COL5A1: variants seen among roughly 807,000 people sequenced by gnomAD.
COL5A1 encodes the protein collagen type V alpha 1 chain.
In COL5A1, 16 loss-of-function variants were observed where a neutral mutation model predicts 263.7. The ratio of observed to expected loss-of-function variants is 0.06; its 90% CI spans 0.04 to 0.09. The LOEUF is 0.09. COL5A1 is among the 10% of genes least tolerant of loss of function. The pLI is 1.00. For synonymous variants in COL5A1, 1,012 were observed against 1,004.5 expected (o/e 1.01, Z -0.14); for missense variants, 2,036 against 2,540.5 (o/e 0.80, Z 4.27).
rs1835291687 is a variant in COL5A1 at position 134,741,221 on chromosome 9, G to T, written c.1494+2413G>T. Among the ~76,000 whole-genome samples the T allele has an allele frequency of 6.6e-6, 1 of 152,246 alleles. No homozygotes were observed. Among genetic ancestry groups the T allele is most frequent in the Admixed American group, 6.5e-5 (1 of 15,292 alleles). ...GCCTGTGCGGCGGAGAAACAACATT[G>T]TCTCTGCCCTCGGAGGTTGAGCATC... On this transcript the variant is annotated intron_variant, in intron 11 of 65. Coordinates refer to ENST00000371817, the MANE Select transcript of COL5A1 (RefSeq NM_000093.5). The surrounding 1 kb of genome is among the most constrained non-coding windows in gnomAD (Gnocchi z 4.5).
intron 28 of COL5A1, 87 bp from the exon 29 acceptor site, chr9:134,782,580 G>A (rs1837300450): frequency 7.9e-7 from 1 of 1,260,078 alleles, no homozygotes; most frequent in Non-Finnish European, 1.2e-6. Flanking sequence ...ACCTGGTGCT[G>A]AGTGTGGTTG....
At chr9:134,673,916 A>T (rs191768070) in intron 1 of COL5A1, among the ~76,000 whole-genome samples, 4 of 152,242 alleles carry the variant, frequency 2.6e-5, no homozygotes, top group Admixed American at 1.3e-4. Context: ...ATTCAGACAA[A>T]TGTTCCAGAA....
intron 1 of COL5A1, among the ~76,000 whole-genome samples, chr9:134,650,230 G>A (rs1831629087): frequency 6.6e-6 from 1 of 152,156 alleles, no homozygotes. Context: ...AGTGACTTAA[G>A]TTGAAAAACT....
In COL5A1 at chr9:134,841,192, A is replaced by T. The variant is rs1840011685; in HGVS notation, c.5371-965A>T. On this transcript the variant is annotated intron_variant, in intron 65 of 65. Coordinates refer to ENST00000371817, the MANE Select transcript of COL5A1 (RefSeq NM_000093.5). This position sits in a 1 kb window ranked among gnomAD's most constrained non-coding sequence, Gnocchi z 4.8. Reference sequence around the variant, plus strand: ...CAGATCCAGCTGCGACTGTAAATCCAGTCTGGGTCTGAGGTAGCAAAAGCC... The same window carrying T: ...CAGATCCAGCTGCGACTGTAAATCCTGTCTGGGTCTGAGGTAGCAAAAGCC... Among the ~76,000 whole-genome samples, 1 of 152,214 alleles carries T rather than the reference A, an allele frequency of 6.6e-6. No homozygotes were observed. Among genetic ancestry groups the T allele is most frequent in the African/African-American group, 2.4e-5 (1 of 41,470 alleles).
chr9:134,781,537 C>T (rs186340888), intron 28 of COL5A1, among the ~76,000 whole-genome samples: 15 of 152,336 alleles, frequency 9.8e-5, no homozygotes, highest in Admixed American at 8.5e-4. Context: ...CCAGCTTTGC[C>T]GCTTGATCTT....
Position 134,641,909 on chromosome 9 carries a change from TGGAGGAGGA to T in COL5A1, c.-267_-259del, listed in dbSNP as rs886063671. On this transcript the variant is annotated 5_prime_UTR_variant, in exon 1 of 66. Transcript: ENST00000371817. ...CGGCGAGGAGGAGGCGAGAAGGAGTTGGAGGAGGAGGAGGAGGAGGCGAGGGCGAGCTAG... is the reference window on the plus strand; with the variant it reads ...CGGCGAGGAGGAGGCGAGAAGGAGTTGGAGGAGGAGGCGAGGGCGAGCTAG... 8.1e-6 allele frequency: 3 copies of T among 369,646 alleles called. No homozygotes were observed. Among genetic ancestry groups the T allele is most frequent in the African/African-American group, 2.1e-5 (1 of 46,810 alleles). The allele number at this position is 369,646 out of a possible 1,614,324, so 22.9% of individuals were successfully genotyped here.
Position 134,794,153 on chromosome 9 carries a change from C to T in COL5A1, c.2701-929C>T, listed in dbSNP as rs1588557317. 6.6e-6 allele frequency among the ~76,000 whole-genome samples: 1 copy of T among 152,066 alleles called. No individual in the cohort carries two copies. The highest frequency in any genetic ancestry group is 6.6e-5 in the Admixed American group (1 of 15,254). On this transcript the variant is annotated intron_variant, in intron 32 of 65. Coordinates refer to ENST00000371817, the MANE Select transcript of COL5A1 (RefSeq NM_000093.5). This position sits in a 1 kb window ranked among gnomAD's most constrained non-coding sequence, Gnocchi z 4.3. Reference sequence around the variant, plus strand: ...CCATCCTTGCCAACATGGTGAAACCCTGTCTCTACTAAAATTAGCTGGGCG... The same window carrying T: ...CCATCCTTGCCAACATGGTGAAACCTTGTCTCTACTAAAATTAGCTGGGCG...
At chr9:134,702,051 C>T (rs1426872643) in intron 4 of COL5A1, among the ~76,000 whole-genome samples, 1 of 152,152 alleles carries the variant, frequency 6.6e-6, no homozygotes, top group Non-Finnish European at 1.5e-5. Context: ...TCACCAGGAG[C>T]CTGTAGGGGT....
At chr9:134,687,025 C>T (rs999244314) in intron 1 of COL5A1, among the ~76,000 whole-genome samples, 1 of 152,178 alleles carries the variant, frequency 6.6e-6, no homozygotes. Flanking sequence ...ACTCCACTAT[C>T]CCATTTGGGG....
chr9:134,786,087 A>T (rs1564457821), intron 31 of COL5A1, 39 bp downstream of exon 31: 1 of 1,565,120 alleles, frequency 6.4e-7, no homozygotes, highest in Admixed American at 1.8e-5. Context: ...GGACAGGCGG[A>T]GGGATGTTCT....
At chr9:134,827,142 G>A (rs1253779790) in intron 63 of COL5A1, among the ~76,000 whole-genome samples, 9 of 152,216 alleles carry the variant, frequency 5.9e-5, no homozygotes, top group African/African-American at 1.2e-4. Flanking sequence ...AGACCTGTGC[G>A]CCCCTGCAGC....
chr9:134,759,535 A>G (rs1365342118), intron 18 of COL5A1, among the ~76,000 whole-genome samples: 1 of 83,356 alleles, frequency 1.2e-5, no homozygotes, highest in African/African-American at 7.4e-5. Context: ...CACATACACC[A>G]CACATGCGCA....
chr9:134,782,308 C>CACTTCAGT (rs550954005), intron 28 of COL5A1, among the ~76,000 whole-genome samples: 179 of 152,356 alleles, frequency 1.2e-3, no homozygotes, highest in African/African-American at 4.1e-3. Flanking sequence ...CTTTACCCGT[C>CACTTCAGT]ACTTCAGTGC....
intron 35 of COL5A1, 121 bp from the exon 36 acceptor site, chr9:134,796,727 G>A: frequency 1.0e-6 from 1 of 957,864 alleles, no homozygotes; most frequent in Non-Finnish European, 1.7e-6. Context: ...ATGGAGGAAA[G>A]GCCATGGGGG....
chr9:134,654,610 A>G (rs866627130), intron 1 of COL5A1, among the ~76,000 whole-genome samples: 2,704 of 12,202 alleles, frequency 0.22, 2 homozygotes, highest in African/African-American at 0.25. Context: ...TGTAGGGCTG[A>G]GGGTGTGTAG....
intron 11 of COL5A1, among the ~76,000 whole-genome samples, chr9:134,744,724 C>T (rs892356495): frequency 1.3e-5 from 2 of 152,068 alleles, no homozygotes; most frequent in African/African-American, 2.4e-5. Context: ...CACAGTTACA[C>T]ACACATGCAC....
At chr9:134,694,497 C>T (rs1054143242) in intron 2 of COL5A1, among the ~76,000 whole-genome samples, 3 of 152,238 alleles carry the variant, frequency 2.0e-5, no homozygotes, top group East Asian at 3.9e-4. Context: ...TCAGGGGCAC[C>T]GCCCTCCCTT....
At chr9:134,648,304 AAT>A (rs58079380) in intron 1 of COL5A1, among the ~76,000 whole-genome samples, 9,286 of 116,666 alleles carry the variant, frequency 0.08, 832 homozygotes, top group African/African-American at 0.24. Context: ...ATATATATAT[AAT>A]ATATATATAT....
chr9:134,721,714 G>A (rs1394750157), intron 4 of COL5A1, among the ~76,000 whole-genome samples: 1 of 152,244 alleles, frequency 6.6e-6, no homozygotes, highest in Non-Finnish European at 1.5e-5. Flanking sequence ...CACAGAAGGA[G>A]CGCTAGCTCG....
Sources: allele counts gnomAD v4.1 joint callset (sites outside exome capture counted in the v4.1 genomes callset), GRCh38; gene constraint gnomAD v4.1.1; non-coding constraint Gnocchi (gnomAD v3.1); transcripts MANE v1.5; gene names NCBI Gene and HGNC (gene_info 2026-07-23, HGNC 2026-07-21).